Variants in RUNX1 observed in about 807,000 individuals in gnomAD.
RUNX1 encodes RUNX family transcription factor 1.
Under a neutral mutation model 42.8 loss-of-function variants are expected in RUNX1, and 19 were observed. The ratio of observed to expected loss-of-function variants is 0.44; its 90% CI spans 0.31 to 0.65. The LOEUF (loss-of-function observed/expected upper bound fraction) is 0.65. Ranked by LOEUF, RUNX1 falls within the 30% of genes least tolerant of loss-of-function variation. The pLI, the probability that RUNX1 is intolerant of heterozygous loss-of-function variation, is 0.07. For missense variants in RUNX1, 528 were observed against 672.0 expected, an observed-to-expected ratio of 0.79 and a Z score of 2.37; for synonymous variants, 271 against 289.4, an observed-to-expected ratio of 0.94 and a Z score of 0.64.
At chr21:35,039,106 G>T (rs886970464) in intron 2 of RUNX1, among the ~76,000 whole-genome samples, 16 of 152,168 alleles carry the variant, frequency 1.1e-4, no homozygotes, top group African/African-American at 3.9e-4. Context: ...CATATACATT[G>T]CCCTGCCTAA....
intron 2 of RUNX1, among the ~76,000 whole-genome samples, chr21:34,923,463 G>A (rs1228455187): frequency 1.3e-5 from 2 of 152,094 alleles, no homozygotes; most frequent in African/African-American, 2.4e-5. Context: ...AAAACTTGTG[G>A]CACCTTTCTG....
intron 2 of RUNX1, among the ~76,000 whole-genome samples, chr21:34,915,829 A>C (rs2058307908): frequency 2.0e-5 from 3 of 152,184 alleles, no homozygotes; most frequent in Non-Finnish European, 4.4e-5. Flanking sequence ...ACATTATACA[A>C]ATATGAAAAA....
At chr21:34,831,555 C>G (rs2057064337) in intron 7 of RUNX1, among the ~76,000 whole-genome samples, 1 of 152,168 alleles carries the variant, frequency 6.6e-6, no homozygotes, top group African/African-American at 2.4e-5. Flanking sequence ...GCAAGCTCGC[C>G]AAACCCCCGG....
chr21:34,903,532 G>A (rs754390807), intron 2 of RUNX1, among the ~76,000 whole-genome samples: 26 of 152,086 alleles, frequency 1.7e-4, no homozygotes, highest in Non-Finnish European at 3.4e-4. Context: ...TTTGGGTGCC[G>A]AATCACCTAT....
At chr21:34,854,802 T>A (rs957900055) in intron 6 of RUNX1, among the ~76,000 whole-genome samples, 3 of 151,950 alleles carry the variant, frequency 2.0e-5, no homozygotes, top group African/African-American at 7.3e-5. Flanking sequence ...CCAAAAGGAA[T>A]CCCGTGAGCT....
rs142095598 is a variant in RUNX1, at chr21:34,808,491, C to G, written c.806-9029G>C. Among the ~76,000 whole-genome samples the G allele has an allele frequency of 1.6e-4, 25 of 152,282 alleles. No homozygotes were observed. The East Asian group carries it at 4.8e-3, about 29-fold the overall frequency. ...GCTTTGTGGTCAGGGCCCTGTGAAT[C>G]AAGAATGCTGGTTCCTCACATCAGG... is the stretch of plus-strand genomic sequence containing the variant. On this transcript the variant is annotated intron_variant, in intron 7 of 8. Transcript: ENST00000675419.
intron 2 of RUNX1, among the ~76,000 whole-genome samples, chr21:35,021,997 G>A (rs887224712): frequency 2.6e-5 from 4 of 152,196 alleles, no homozygotes; most frequent in African/African-American, 4.8e-5. Flanking sequence ...AGGAGCAGGC[G>A]AGAATGATCC....
At position 34,849,519 on chromosome 21, in the gene RUNX1, T is replaced by C. The variant is rs902497999; in HGVS notation, c.613+9955A>G. Among the ~76,000 whole-genome samples the C allele has an allele frequency of 2.5e-5, 3 of 119,606 alleles. No homozygotes were observed. The East Asian group carries it at 6.7e-4, about 27-fold the overall frequency. 78.5% of individuals were successfully genotyped at this position (119,606 alleles called of 152,430 possible). On this transcript the variant is annotated intron_variant, in intron 6 of 8. Coordinates refer to ENST00000675419, the MANE Select transcript of RUNX1 (RefSeq NM_001754.5). ...TATTAGCTTGGCTTTCACCTATGAA[T>C]GTGAATCCAGAATATTTGGCTATTC...
At chr21:34,931,856 T>C (rs1279299295) in intron 2 of RUNX1, among the ~76,000 whole-genome samples, 1 of 150,454 alleles carries the variant, frequency 6.6e-6, no homozygotes, top group Non-Finnish European at 1.5e-5. Flanking sequence ...CTGCGTAGAG[T>C]GGTTGGATTT....
intron 2 of RUNX1, among the ~76,000 whole-genome samples, chr21:34,930,719 T>A (rs10537707): frequency 0.037 from 5,226 of 140,478 alleles, 107 homozygotes; most frequent in African/African-American, 0.06. Context: ...TCTCTCTCTC[T>A]CACACACACA....
chr21:34,952,037 C>A (rs1239706567), intron 2 of RUNX1, among the ~76,000 whole-genome samples: 1 of 152,138 alleles, frequency 6.6e-6, no homozygotes, highest in Non-Finnish European at 1.5e-5. Flanking sequence ...CCATGGAATA[C>A]TATGCAGTCA....
intron 6 of RUNX1, chr21:34,856,350 A>G (rs2057494776): frequency 1.7e-5 from 9 of 518,900 alleles, no homozygotes; most frequent in South Asian, 1.3e-4. Context: ...TTGCCCTTCT[A>G]TAATAGACAG....
chr21:34,930,189 CAT>C (rs1242017563), intron 2 of RUNX1, among the ~76,000 whole-genome samples: 4 of 130,990 alleles, frequency 3.1e-5, no homozygotes, highest in Admixed American at 1.7e-4. Context: ...CATACATATA[CAT>C]ATATATTATA....
At chr21:34,816,340 G>A (rs2056826227) in intron 7 of RUNX1, among the ~76,000 whole-genome samples, 1 of 152,002 alleles carries the variant, frequency 6.6e-6, no homozygotes, top group Non-Finnish European at 1.5e-5. Flanking sequence ...CTTCCAACTT[G>A]TTGATCTCAG....
rs143796297 is a variant in RUNX1, at chr21:34,900,664, T to A, written c.59-7701A>T. ...AGCCACAAGTTAATCTCACACATTG[T>A]TCATTTCCACTTAACATTCACCAGT... On this transcript the variant is annotated intron_variant, in intron 2 of 8. Transcript: ENST00000675419. Among the ~76,000 whole-genome samples, 1,423 of 152,332 alleles carry A rather than the reference T, an allele frequency of 9.3e-3. 12 individuals are homozygous for A. In the Middle Eastern group the frequency reaches 0.099, roughly 11 times the overall value.
intron 3 of RUNX1, chr21:34,887,398 G>A: frequency 7.1e-7 from 1 of 1,400,560 alleles, no homozygotes; most frequent in Admixed American, 2.9e-5. Context: ...TATCTTCCAC[G>A]AATCTTGCTT....
chr21:34,889,485 AC>A (rs1198336628), intron 3 of RUNX1, among the ~76,000 whole-genome samples: 1 of 152,042 alleles, frequency 6.6e-6, no homozygotes, highest in Non-Finnish European at 1.5e-5. Flanking sequence ...GTCAGGAAAG[AC>A]CCCAAGAACG....
chr21:35,009,763 T>TA (rs563155340), intron 2 of RUNX1, among the ~76,000 whole-genome samples: 2 of 152,148 alleles, frequency 1.3e-5, no homozygotes, highest in South Asian at 4.1e-4. Context: ...GGTGACTGAG[T>TA]AAAAAATATG....
intron 2 of RUNX1, among the ~76,000 whole-genome samples, chr21:34,980,372 TCCTACGTAG>T: frequency 6.6e-6 from 1 of 152,296 alleles, no homozygotes; most frequent in East Asian, 1.9e-4. Context: ...ATTTATCAGG[TCCTACGTAG>T]CCTGGGGATG....
Sources: gnomAD v4.1 joint callset for allele counts (sites outside exome capture counted in the v4.1 genomes callset) on GRCh38, gnomAD v4.1.1 for gene constraint, MANE v1.5 for transcripts, NCBI Gene and HGNC (gene_info 2026-07-23, HGNC 2026-07-21) for gene names.